NT5C3A: variants seen among roughly 807,000 people sequenced by gnomAD.
NT5C3A encodes 5'-nucleotidase, cytosolic IIIA.
Under a neutral mutation model 40.0 loss-of-function variants are expected in NT5C3A, and 23 were observed. The ratio of observed to expected loss-of-function variants is 0.58; its 90% CI spans 0.41 to 0.81. NT5C3A has a LOEUF of 0.81. Among genes scored for constraint, NT5C3A ranks in the 40% least tolerant of loss-of-function variants. The probability of loss-of-function intolerance (pLI) is 0.00; values close to 1 mark genes in which losing one functional copy is unlikely to be tolerated. For synonymous variants in NT5C3A, 130 were observed against 141.4 expected, an observed-to-expected ratio of 0.92 and a Z score of 0.57; for missense variants, 328 against 403.0, an observed-to-expected ratio of 0.81 and a Z score of 1.59.
chr7:33,045,679 G>C (rs931353774), intron 1 of NT5C3A: 2 of 151,988 alleles, frequency 1.3e-5, no homozygotes, highest in African/African-American at 4.8e-5. Context: ...GGCTGGTCTC[G>C]ATCTCCTGAC....
intron 1 of NT5C3A, chr7:33,038,841 G>A (rs1255143123): frequency 2.2e-6 from 1 of 456,564 alleles, no homozygotes; most frequent in Admixed American, 2.3e-5. Flanking sequence ...ATCTGTTGCA[G>A]ATGCTTCAAG....
chr7:33,041,022 T>C (rs1786888307), intron 1 of NT5C3A: 1 of 985,420 alleles, frequency 1.0e-6, no homozygotes, highest in Non-Finnish European at 1.2e-6. Context: ...GCACAGTACT[T>C]TATATATGCT....
At chr7:33,026,087 G>A (rs1013391590) in intron 2 of NT5C3A, among the ~76,000 whole-genome samples, 8 of 152,176 alleles carry the variant, frequency 5.3e-5, no homozygotes, top group Admixed American at 4.6e-4. Context: ...TCTGGAAGCT[G>A]AGGAGGGAAA....
rs141650313 is a variant in NT5C3A at position 33,014,737 on chromosome 7, A to G, written c.989T>C (p.Ile330Thr). The part of the protein sequence containing the change: ...LEVANSILQK[I>T]L ...TTCTTGGAGAATGCTTGTTTATAGA[A>G]TCTTCTGTAAAATAGAGTTGGCTAC... Residue 330 changes from isoleucine (I) to threonine (T), a missense_variant, in exon 9 of 9, where the codon ATT (isoleucine) becomes ACT (threonine). By Grantham distance (89) the Ile-to-Thr change is moderately conservative (BLOSUM62 -1). Transcript: ENST00000610140. 5.0e-6 allele frequency: 8 copies of G among 1,611,902 alleles called. No homozygotes were observed. In the African/African-American group the frequency reaches 9.4e-5, roughly 19 times the overall value.
At position 33,022,920 on chromosome 7, in the gene NT5C3A, GT is replaced by G. The variant is rs201688510; in HGVS notation, c.308-822del. On this transcript the variant is annotated intron_variant, in intron 3 of 8. Coordinates refer to ENST00000610140, the MANE Select transcript of NT5C3A (RefSeq NM_001002010.5). ...GGCAAAGGATATGAAGATTTTTAGT[GT>G]TTTTTTTTTTTTTCGAGACAGGGTC... Among the ~76,000 whole-genome samples the G allele has an allele frequency of 1.7e-3, 225 of 135,988 alleles. 1 individual carries two copies. Among genetic ancestry groups the G allele is most frequent in the East Asian group, 3.0e-3 (14 of 4,678 alleles). The allele number at this position is 135,988 out of a possible 152,430, so 89.2% of individuals were successfully genotyped here.
intron 1 of NT5C3A, chr7:33,029,215 G>C (rs1260930061): frequency 6.4e-6 from 1 of 156,688 alleles, no homozygotes; most frequent in Non-Finnish European, 1.4e-5. Context: ...TTTTTCAATA[G>C]ATGGAAAGGC....
intron 1 of NT5C3A, among the ~76,000 whole-genome samples, chr7:33,061,958 A>G (rs1787794988): frequency 6.6e-6 from 1 of 152,264 alleles, no homozygotes; most frequent in South Asian, 2.1e-4. Context: ...TTGGGAGTTA[A>G]GATGAAAACA....
rs527708137 is a variant in NT5C3A, at chr7:33,036,683, A to G, written c.139-9768T>C. Among the ~76,000 whole-genome samples, 111 of 152,338 alleles carry G rather than the reference A, an allele frequency of 7.3e-4. 1 individual carries two copies. The highest frequency in any genetic ancestry group is 5.2e-3 in the South Asian group (25 of 4,834). On this transcript the variant is annotated intron_variant, in intron 1 of 8. Transcript: ENST00000610140. ...ATGTAAGGATGAAGTTTGTGGGAAAATTATGCATTGCTACTACCGAATCAA... is the reference window on the plus strand; with the variant it reads ...ATGTAAGGATGAAGTTTGTGGGAAAGTTATGCATTGCTACTACCGAATCAA...
intron 1 of NT5C3A, among the ~76,000 whole-genome samples, chr7:33,051,609 C>T (rs1787371750): frequency 6.6e-6 from 1 of 152,158 alleles, no homozygotes; most frequent in Non-Finnish European, 1.5e-5. Flanking sequence ...TTCACCTCTG[C>T]AATCCATCTC....
chr7:33,051,500 T>C (rs1787369025), intron 1 of NT5C3A, among the ~76,000 whole-genome samples: 1 of 152,118 alleles, frequency 6.6e-6, no homozygotes, highest in African/African-American at 2.4e-5. Context: ...GAGGTAAATA[T>C]GGAAACTATT....
At chr7:33,048,146 G>A (rs891530954) in intron 1 of NT5C3A, among the ~76,000 whole-genome samples, 7 of 151,558 alleles carry the variant, frequency 4.6e-5, no homozygotes, top group East Asian at 1.9e-4. Context: ...CATAAATGGC[G>A]TCTTCATTTA....
At chr7:33,040,415 G>C (rs1342210985) in intron 1 of NT5C3A, among the ~76,000 whole-genome samples, 2 of 151,956 alleles carry the variant, frequency 1.3e-5, no homozygotes, top group African/African-American at 4.8e-5. Context: ...ATAAAATCCT[G>C]GGTAAAGCTC....
At chr7:33,053,565 G>A (rs893271583) in intron 1 of NT5C3A, among the ~76,000 whole-genome samples, 17 of 151,510 alleles carry the variant, frequency 1.1e-4, no homozygotes, top group African/African-American at 3.9e-4. Flanking sequence ...GGAGGCTGAG[G>A]GGGGAAGACG....
At chr7:33,023,749 C>A in intron 3 of NT5C3A, 2 of 313,828 alleles carry the variant, frequency 6.4e-6, no homozygotes, top group Non-Finnish European at 1.2e-5. Context: ...CAGGTTAACC[C>A]AAAGTTTACA....
At chr7:33,036,099 T>C (rs1786589715) in intron 1 of NT5C3A, 1 of 803,462 alleles carries the variant, frequency 1.2e-6, no homozygotes, top group Non-Finnish European at 2.1e-6. Context: ...GGTGGAATTT[T>C]TGGTATGACT....
intron 1 of NT5C3A, among the ~76,000 whole-genome samples, chr7:33,028,837 C>T (rs1786089537): frequency 2.0e-5 from 3 of 152,020 alleles, no homozygotes; most frequent in Admixed American, 1.3e-4. Context: ...GGGCAGATCA[C>T]GAGGTCAGGA....
chr7:33,035,615 T>G (rs1786555202), intron 1 of NT5C3A, among the ~76,000 whole-genome samples: 1 of 152,212 alleles, frequency 6.6e-6, no homozygotes, highest in South Asian at 2.1e-4. Flanking sequence ...GTCATTTAAA[T>G]TTGGAAACCT....
At chr7:33,041,229 G>T in intron 1 of NT5C3A, 1 of 652,430 alleles carries the variant, frequency 1.5e-6, no homozygotes, top group Non-Finnish European at 1.9e-6. Flanking sequence ...TGGTTTGTCA[G>T]TGTACTTCTG....
chr7:33,037,210 A>G (rs1786655527), intron 1 of NT5C3A, among the ~76,000 whole-genome samples: 1 of 152,246 alleles, frequency 6.6e-6, no homozygotes, highest in East Asian at 1.9e-4. Context: ...GTGTTTATCA[A>G]CTGAATGAAC....
Sources: allele counts gnomAD v4.1 joint callset (sites outside exome capture counted in the v4.1 genomes callset), GRCh38; gene constraint gnomAD v4.1.1; transcripts MANE v1.5; gene names NCBI Gene and HGNC (gene_info 2026-07-23, HGNC 2026-07-21).